UGT1A6: variants seen among roughly 807,000 people sequenced by gnomAD.
The protein encoded by UGT1A6 is UDP glucuronosyltransferase family 1 member A6.
In UGT1A6, 32 loss-of-function variants were observed where a neutral mutation model predicts 44.4. The ratio of observed to expected loss-of-function variants is 0.72; its 90% CI spans 0.54 to 0.97. The LOEUF (loss-of-function observed/expected upper bound fraction) is 0.97, where lower values mean the gene tolerates loss of function less well. UGT1A6 is among the 50% of genes least tolerant of loss of function. The pLI is 0.00. For synonymous variants in UGT1A6, 238 were observed against 248.5 expected, an observed-to-expected ratio of 0.96 and a Z score of 0.40; for missense variants, 685 against 661.9, an observed-to-expected ratio of 1.03 and a Z score of -0.38.
At chr2:233,743,972 A>G in intron 1 of UGT1A6, 2 of 1,321,206 alleles carry the variant, frequency 1.5e-6, no homozygotes, top group African/African-American at 1.5e-5. Flanking sequence ...CAAGGCTGCC[A>G]GCACCCAGGC....
chr2:233,743,701 C>G (rs13009407), intron 1 of UGT1A6: 330,777 of 1,367,248 alleles, frequency 0.24, 43,102 homozygotes, highest in South Asian at 0.3. Flanking sequence ...CGCCCTCCGC[C>G]CCCGCCTCGC....
intron 1 of UGT1A6, among the ~76,000 whole-genome samples, chr2:233,751,050 G>T (rs1201577547): frequency 6.6e-6 from 1 of 151,910 alleles, no homozygotes; most frequent in Non-Finnish European, 1.5e-5. Context: ...GCCTGGAAAA[G>T]ACACAGACAC....
intron 1 of UGT1A6, chr2:233,718,637 T>C (rs2125661399): frequency 6.9e-7 from 1 of 1,451,650 alleles, no homozygotes; most frequent in Non-Finnish European, 9.3e-7. Context: ...TTTCCCAGGG[T>C]TGGGCCCATA....
At chr2:233,707,076 G>A (rs2075939345) in intron 1 of UGT1A6, among the ~76,000 whole-genome samples, 1 of 152,120 alleles carries the variant, frequency 6.6e-6, no homozygotes, top group African/African-American at 2.4e-5. Context: ...ATCTGCATGT[G>A]CTCCACTTTG....
chr2:233,718,145 A>G (rs1314627858), intron 1 of UGT1A6: 1 of 232,528 alleles, frequency 4.3e-6, no homozygotes, highest in Non-Finnish European at 8.9e-6. Flanking sequence ...AATCCTCAAT[A>G]AAGCCTTCCC....
intron 1 of UGT1A6, among the ~76,000 whole-genome samples, chr2:233,758,385 T>A (rs1230615266): frequency 6.6e-6 from 1 of 152,262 alleles, no homozygotes; most frequent in Non-Finnish European, 1.5e-5. Context: ...TGGTGACTTA[T>A]GTGTTTATAG....
At chr2:233,705,779 T>C (rs1396486020) in intron 1 of UGT1A6, among the ~76,000 whole-genome samples, 2 of 152,210 alleles carry the variant, frequency 1.3e-5, no homozygotes, top group African/African-American at 2.4e-5. Context: ...AGTGTCTTAG[T>C]GCAAAATGCC....
chr2:233,724,239 G>A, intron 1 of UGT1A6, among the ~76,000 whole-genome samples: 1 of 128,664 alleles, frequency 7.8e-6, no homozygotes, highest in African/African-American at 3.1e-5. Context: ...GGGCGGCCGG[G>A]CAGAGGCGCC....
chr2:233,765,202 C>T (rs139573386), intron 1 of UGT1A6, among the ~76,000 whole-genome samples: 1 of 152,246 alleles, frequency 6.6e-6, no homozygotes, highest in Non-Finnish European at 1.5e-5. Flanking sequence ...CATATTAGTG[C>T]CCTCAGTATT....
At chr2:233,697,063 GT>G (rs1308973178) in intron 1 of UGT1A6, among the ~76,000 whole-genome samples, 1 of 151,994 alleles carries the variant, frequency 6.6e-6, no homozygotes, top group African/African-American at 2.4e-5. Flanking sequence ...TCCTTGTCTG[GT>G]TTTGGTATCA....
chr2:233,728,946 G>T (rs1229319811), intron 1 of UGT1A6, among the ~76,000 whole-genome samples: 2 of 148,876 alleles, frequency 1.3e-5, no homozygotes, highest in Non-Finnish European at 2.9e-5. Context: ...TCCAGGGTGG[G>T]GCCCACAGTG....
At chr2:233,736,562 G>T (rs1300440200) in intron 1 of UGT1A6, among the ~76,000 whole-genome samples, 1 of 152,158 alleles carries the variant, frequency 6.6e-6, no homozygotes, top group Non-Finnish European at 1.5e-5. Context: ...TGCTAGCAAG[G>T]AGCTGTGATC....
rs1409125726 is a variant in UGT1A6, at chr2:233,724,318, C to A, written c.861+30453C>A. ...CCCCCCACCTCCCTCCCGGACGGGG[C>A]GGCTGGCCAGGCGGGGGGCTGACCC... is the stretch of plus-strand genomic sequence containing the variant. On this transcript the variant is annotated intron_variant, in intron 1 of 4. Transcript: ENST00000305139. Among the ~76,000 whole-genome samples, 124 of 143,122 alleles carry A rather than the reference C, an allele frequency of 8.7e-4. 1 individual carries two copies. Among genetic ancestry groups the A allele is most frequent in the African/African-American group, 2.9e-3 (111 of 38,264 alleles). 93.9% of individuals were successfully genotyped at this position (143,122 alleles called of 152,430 possible).
Position 233,752,763 on chromosome 2 carries a change from A to C in UGT1A6, c.862-14271A>C, listed in dbSNP as rs182475075. Among the ~76,000 whole-genome samples, 215 of 152,376 alleles carry C rather than the reference A, an allele frequency of 1.4e-3. 1 individual carries two copies. Among genetic ancestry groups the C allele is most frequent in the African/African-American group, 4.9e-3 (204 of 41,592 alleles). On this transcript the variant is annotated intron_variant, in intron 1 of 4. Coordinates refer to ENST00000305139, the MANE Select transcript of UGT1A6 (RefSeq NM_001072.4). Reference sequence around the variant, plus strand: ...CTGTCTCTAAAACAAACAAACAAACAAACAAACAATAACCAAACAAGCTTT... The same window carrying C: ...CTGTCTCTAAAACAAACAAACAAACCAACAAACAATAACCAAACAAGCTTT...
At chr2:233,700,356 T>C (rs998443446) in intron 1 of UGT1A6, among the ~76,000 whole-genome samples, 8 of 152,234 alleles carry the variant, frequency 5.3e-5, no homozygotes, top group African/African-American at 1.7e-4. Context: ...CTTATCTTTA[T>C]GGCTGATTAT....
intron 1 of UGT1A6, among the ~76,000 whole-genome samples, chr2:233,717,377 A>G (rs1267305224): frequency 6.6e-6 from 1 of 152,110 alleles, no homozygotes; most frequent in Admixed American, 6.5e-5. Flanking sequence ...GCCCTTACAG[A>G]CCTGCCCTCT....
chr2:233,731,298 T>A (rs909820502), intron 1 of UGT1A6, among the ~76,000 whole-genome samples: 4 of 149,198 alleles, frequency 2.7e-5, no homozygotes, highest in Non-Finnish European at 4.5e-5. Flanking sequence ...TTTTTTTTTT[T>A]ATTATACTTT....
chr2:233,768,475 G>A, intron 4 of UGT1A6, 36 bp downstream of exon 4: 2 of 1,597,142 alleles, frequency 1.3e-6, no homozygotes, highest in Non-Finnish European at 1.7e-6. Flanking sequence ...CTTTGGTCAT[G>A]GCATTCATGA....
intron 1 of UGT1A6, among the ~76,000 whole-genome samples, chr2:233,696,633 T>A (rs1245843858): frequency 6.6e-6 from 1 of 152,220 alleles, no homozygotes; most frequent in Non-Finnish European, 1.5e-5. Context: ...TCTTGCTTAA[T>A]TGCTTTGGAT....
Sources: gnomAD v4.1 joint callset for allele counts (sites outside exome capture counted in the v4.1 genomes callset) on GRCh38, gnomAD v4.1.1 for gene constraint, MANE v1.5 for transcripts, NCBI Gene and HGNC (gene_info 2026-07-23, HGNC 2026-07-21) for gene names.